Variants in LOXL2 observed in about 807,000 individuals in gnomAD.
The protein encoded by LOXL2 is lysyl oxidase like 2.
LOXL2 carries 70 observed loss-of-function variants against 93.0 expected under a neutral mutation model. The observed-to-expected ratio is 0.75, with a 90% CI of 0.62 to 0.92. The LOEUF (loss-of-function observed/expected upper bound fraction) is 0.92. LOXL2 is among the 40% of genes least tolerant of loss of function. LOXL2 has a pLI of 0.00. For synonymous variants in LOXL2, 438 were observed against 413.2 expected (o/e 1.06, Z -0.73); for missense variants, 973 against 1,054.9 (o/e 0.92, Z 1.08).
chr8:23,306,559 G>C (rs1803232326), intron 10 of LOXL2, among the ~76,000 whole-genome samples: 1 of 152,216 alleles, frequency 6.6e-6, no homozygotes, highest in African/African-American at 2.4e-5. Flanking sequence ...GCTCCCAGGG[G>C]CCACGTCACA....
chr8:23,375,921 A>G (rs1351108621), intron 1 of LOXL2, among the ~76,000 whole-genome samples: 1 of 152,070 alleles, frequency 6.6e-6, no homozygotes, highest in African/African-American at 2.4e-5. Flanking sequence ...CTAATTGAAT[A>G]CCCTTTATTT....
chr8:23,381,831 C>G (rs1357043441), intron 1 of LOXL2, among the ~76,000 whole-genome samples: 1 of 152,274 alleles, frequency 6.6e-6, no homozygotes, highest in Non-Finnish European at 1.5e-5. Flanking sequence ...TCCCCTCTCT[C>G]TGCTTACATT....
intron 3 of LOXL2, among the ~76,000 whole-genome samples, chr8:23,347,094 A>C (rs1204356719): frequency 6.6e-6 from 1 of 151,996 alleles, no homozygotes; most frequent in East Asian, 1.9e-4. Flanking sequence ...TGAGGTGAGC[A>C]GATCACTTGA....
intron 10 of LOXL2, among the ~76,000 whole-genome samples, chr8:23,304,166 GAA>G (rs980939791): frequency 4.6e-5 from 7 of 152,258 alleles, no homozygotes; most frequent in African/African-American, 1.4e-4. Context: ...GGGGGTTCCA[GAA>G]AAGAGTTCTG....
Position 23,319,893 on chromosome 8 carries a change from C to A in LOXL2, c.1462G>T (p.Ala488Ser), listed in dbSNP as rs201288515. 1 of 1,613,410 alleles carries A rather than the reference C, an allele frequency of 6.2e-7. No homozygotes were observed. The highest frequency in any genetic ancestry group is 2.2e-5 in the East Asian group (1 of 44,864). ...AGGCCGGGGCTTCTCACCTGGAAGG[C>A]GTTGCTGGCGAATCCCAGGCCCAGC... Reference protein sequence around the residue: ...RQLGLGFASNAFQETWYWHGD... With the variant: ...RQLGLGFASNSFQETWYWHGD... Residue 488 changes from alanine (A) to serine (S), a missense_variant, in exon 8 of 14, where the codon GCC (alanine) becomes TCC (serine). Coordinates refer to ENST00000389131, the MANE Select transcript of LOXL2 (RefSeq NM_002318.3).
intron 6 of LOXL2, 82 bp downstream of exon 6, chr8:23,328,300 A>C: frequency 6.9e-7 from 1 of 1,457,900 alleles, no homozygotes; most frequent in Non-Finnish European, 9.5e-7. Flanking sequence ...ATTTCCCGAG[A>C]GCTCACGGCC....
intron 3 of LOXL2, among the ~76,000 whole-genome samples, chr8:23,346,116 T>TAAAATAAAATTAAAA (rs1563197384): frequency 4.2e-5 from 1 of 23,792 alleles, no homozygotes; most frequent in Non-Finnish European, 8.0e-5. Flanking sequence ...TAAAATAAAA[T>TAAAATAAAATTAAAA]TAAAATAAAA....
chr8:23,379,679 G>A (rs182817868), intron 1 of LOXL2, among the ~76,000 whole-genome samples: 10 of 152,082 alleles, frequency 6.6e-5, no homozygotes, highest in Admixed American at 5.9e-4. Context: ...CTTGCAGTTC[G>A]ATCTCAGACT....
At chr8:23,318,510 G>C (rs1803442406) in intron 8 of LOXL2, among the ~76,000 whole-genome samples, 1 of 151,520 alleles carries the variant, frequency 6.6e-6, no homozygotes, top group African/African-American at 2.4e-5. Context: ...TAGAGAACTT[G>C]ACCAATACCC....
At chr8:23,322,438 C>T (rs1803511487) in intron 6 of LOXL2, among the ~76,000 whole-genome samples, 157 bp from the exon 7 acceptor site, 1 of 152,192 alleles carries the variant, frequency 6.6e-6, no homozygotes. Flanking sequence ...CTCTTCTCCC[C>T]AGAGAGAACA....
chr8:23,400,692 T>C (rs559115779), intron 1 of LOXL2, among the ~76,000 whole-genome samples: 1 of 152,304 alleles, frequency 6.6e-6, no homozygotes. Context: ...ACTCAGGTGA[T>C]GCTCAGAGAG....
At chr8:23,400,288 A>T (rs1800139564) in intron 1 of LOXL2, among the ~76,000 whole-genome samples, 1 of 152,210 alleles carries the variant, frequency 6.6e-6, no homozygotes, top group Non-Finnish European at 1.5e-5. Flanking sequence ...TCACAATGCC[A>T]CATGGCTGGG....
chr8:23,376,570 G>A (rs981528448), intron 1 of LOXL2, among the ~76,000 whole-genome samples: 4 of 152,072 alleles, frequency 2.6e-5, no homozygotes, highest in Non-Finnish European at 4.4e-5. Flanking sequence ...GTCTGGTCCT[G>A]GCCTTTTTTT....
At chr8:23,298,450 T>C (rs1158962274) in intron 13 of LOXL2, among the ~76,000 whole-genome samples, 1 of 152,238 alleles carries the variant, frequency 6.6e-6, no homozygotes, top group African/African-American at 2.4e-5. Context: ...AGTGTCTTTA[T>C]TGGAGACTAG....
chr8:23,356,807 G>C (rs1331833293), intron 3 of LOXL2, among the ~76,000 whole-genome samples: 3 of 152,156 alleles, frequency 2.0e-5, no homozygotes, highest in Non-Finnish European at 4.4e-5. Flanking sequence ...ATCTCCATAG[G>C]TTGCCCTCTC....
intron 2 of LOXL2, among the ~76,000 whole-genome samples, chr8:23,362,272 T>C (rs1804307354): frequency 6.6e-6 from 1 of 152,156 alleles, no homozygotes; most frequent in African/African-American, 2.4e-5. Flanking sequence ...GGAGTCAAAT[T>C]CATTGAAACA....
Position 23,392,116 on chromosome 8 carries a change from G to A in LOXL2, c.-84+11838C>T, listed in dbSNP as rs147858813. On this transcript the variant is annotated intron_variant, in intron 1 of 13. Transcript: ENST00000389131. ...CCTGGGCTAATAATCAATCCTTTAG[G>A]CCTGTGCTTGTCCTATGACAGCCAA... 2.0e-5 allele frequency among the ~76,000 whole-genome samples: 3 copies of A among 152,290 alleles called. No individual in the cohort carries two copies. In the East Asian group the frequency reaches 5.8e-4, roughly 29 times the overall value.
chr8:23,302,738 G>T (rs1028692457), intron 11 of LOXL2, among the ~76,000 whole-genome samples: 29 of 152,178 alleles, frequency 1.9e-4, no homozygotes, highest in Non-Finnish European at 4.4e-5. Context: ...AAGAAGAACT[G>T]ACATGTCTCC....
intron 6 of LOXL2, among the ~76,000 whole-genome samples, chr8:23,326,564 G>A (rs556264323): frequency 1.9e-4 from 29 of 152,278 alleles, no homozygotes; most frequent in Middle Eastern, 6.8e-3. Flanking sequence ...GACCAGCCTG[G>A]CCAACATGGT....
Sources: allele counts gnomAD v4.1 joint callset (sites outside exome capture counted in the v4.1 genomes callset), GRCh38; gene constraint gnomAD v4.1.1; transcripts MANE v1.5; gene names NCBI Gene and HGNC (gene_info 2026-07-23, HGNC 2026-07-21).